The following C19orf44 variants were observed in gnomAD, a reference collection of about 807,000 sequenced individuals.
The protein encoded by C19orf44 is chromosome 19 open reading frame 44, also known as uncharacterized protein C19orf44.
In C19orf44, 43 loss-of-function variants were observed where a neutral mutation model predicts 50.7. That is an observed-to-expected ratio of 0.85 (90% CI 0.66 to 1.09). The LOEUF (loss-of-function observed/expected upper bound fraction) is 1.09, where lower values mean the gene tolerates loss of function less well. Ranked by LOEUF, C19orf44 falls within the 50% of genes least tolerant of loss-of-function variation. The probability of loss-of-function intolerance (pLI) is 0.00; values close to 1 mark genes in which losing one functional copy is unlikely to be tolerated. For missense variants in C19orf44, 722 were observed against 836.2 expected, an observed-to-expected ratio of 0.86 and a Z score of 1.68; for synonymous variants, 298 against 334.7, an observed-to-expected ratio of 0.89 and a Z score of 1.20.
At chr19:16,505,834 A>G (rs1007640367) in intron 3 of C19orf44, among the ~76,000 whole-genome samples, 3 of 151,978 alleles carry the variant, frequency 2.0e-5, no homozygotes, top group Non-Finnish European at 4.4e-5. Flanking sequence ...GGCACGTGCC[A>G]TCACACTTGG....
intron 6 of C19orf44, among the ~76,000 whole-genome samples, chr19:16,513,449 T>C (rs2093463377): frequency 6.6e-6 from 1 of 152,108 alleles, no homozygotes; most frequent in Admixed American, 6.5e-5. Flanking sequence ...AGTGGCGCGA[T>C]CTCCACTCAC....
intron 2 of C19orf44, among the ~76,000 whole-genome samples, 190 bp downstream of exon 2, chr19:16,501,741 A>G (rs2093426179): frequency 6.7e-6 from 1 of 149,538 alleles, no homozygotes. Context: ...ACAGGCATGC[A>G]CCACCACGCC....
At position 16,520,287 on chromosome 19, in the gene C19orf44, G is replaced by T; in HGVS notation, c.*234G>T. ...ACTTCTGCAGGGAAGGGTGCCCAAGGGTCAGCAGCAGCCAGGCGTCGTGGG... is the reference window on the plus strand; with the variant it reads ...ACTTCTGCAGGGAAGGGTGCCCAAGTGTCAGCAGCAGCCAGGCGTCGTGGG... On this transcript the variant is annotated 3_prime_UTR_variant, in exon 9 of 9. Coordinates refer to ENST00000221671, the MANE Select transcript of C19orf44 (RefSeq NM_032207.4). This position sits in a 1 kb window ranked among gnomAD's most constrained non-coding sequence, Gnocchi z 4.0. 1 of 1,613,366 alleles carries T rather than the reference G, an allele frequency of 6.2e-7. No homozygotes were observed. The highest frequency in any genetic ancestry group is 8.5e-7 in the Non-Finnish European group (1 of 1,179,786).
chr19:16,517,178 G>A, intron 7 of C19orf44, 52 bp from the exon 8 acceptor site: 1 of 1,542,442 alleles, frequency 6.5e-7, no homozygotes, highest in African/African-American at 1.4e-5. Context: ...CCCTGTCTCA[G>A]AGTGTACTGA....
At chr19:16,512,412 C>G (rs943448127) in intron 5 of C19orf44, among the ~76,000 whole-genome samples, 1 of 152,092 alleles carries the variant, frequency 6.6e-6, no homozygotes, top group East Asian at 1.9e-4. Context: ...AACAGTGACC[C>G]TTAGAAGAAG....
rs2093450298 is a variant in C19orf44 at position 16,509,559 on chromosome 19, G to A, written c.1210G>A (p.Gly404Arg). The A allele has an allele frequency of 6.2e-7, 1 of 1,608,560 alleles. No individual in the cohort carries two copies. The highest frequency in any genetic ancestry group is 1.1e-5 in the South Asian group (1 of 90,412). The change falls in exon 5 of 9, where the codon GGG becomes AGG. Residue 404 changes from glycine (G) to arginine (R), a missense_variant. Physicochemically the swap from Gly to Arg is moderately radical, Grantham distance 125 (BLOSUM62 -2). Coordinates refer to ENST00000221671, the MANE Select transcript of C19orf44 (RefSeq NM_032207.4). ...GKIFRAEAST[G>R]QDAPRQAQAR... ...AATCTTCAGAGCCGAGGCGTCCACT[G>A]GGCAGGATGCCCCGAGGCAGGCCCA...
At chr19:16,515,366 A>G (rs2093468711) in intron 7 of C19orf44, among the ~76,000 whole-genome samples, 1 of 152,172 alleles carries the variant, frequency 6.6e-6, no homozygotes, top group Admixed American at 6.6e-5. Context: ...TCTCAAAAAA[A>G]CTTTTTAAAA....
intron 5 of C19orf44, chr19:16,510,252 C>T: frequency 2.3e-6 from 1 of 431,262 alleles, no homozygotes; most frequent in South Asian, 2.1e-5. Context: ...ACTAAAAATA[C>T]AAAAATTAGC....
chr19:16,501,559 T>TTC lies in C19orf44; in HGVS notation c.759+9_759+10insCT. Reference sequence around the variant, plus strand: ...GAAAGAAAACTATTTTCGGTGAGATTTTTTTTTTTTGGTAAATTTATTTTA... The same window carrying TTC: ...GAAAGAAAACTATTTTCGGTGAGATTTCTTTTTTTTTTGGTAAATTTATTTTA... On this transcript the variant is annotated intron_variant, in intron 2 of 8. Transcript: ENST00000221671. The TTC allele has an allele frequency of 7.5e-7, 1 of 1,335,710 alleles. No individual in the cohort carries two copies. The highest frequency in any genetic ancestry group is 9.7e-7 in the Non-Finnish European group (1 of 1,026,328). 82.7% of individuals were successfully genotyped at this position (1,335,710 alleles called of 1,614,324 possible).
At chr19:16,517,133 G>A (rs1599741506) in intron 7 of C19orf44, 97 bp from the exon 8 acceptor site, 2 of 1,128,824 alleles carry the variant, frequency 1.8e-6, no homozygotes, top group South Asian at 1.4e-5. Context: ...GGAGCCTGCT[G>A]GGGACAGGTG....
intron 1 of C19orf44, among the ~76,000 whole-genome samples, chr19:16,500,038 C>T (rs963942597): frequency 4.6e-5 from 7 of 151,868 alleles, no homozygotes; most frequent in African/African-American, 1.5e-4. Context: ...CCACCCACCA[C>T]GGCCTACCAA....
chr19:16,519,547 A>C lies in C19orf44; in HGVS notation c.*41-547A>C. ...TCCATCCCCACATGCACTGAGGAAG[A>C]GAAAGCGCTGGTGACTCCCGGGCCC... On this transcript the variant is annotated intron_variant, in intron 8 of 8. Coordinates refer to ENST00000221671, the MANE Select transcript of C19orf44 (RefSeq NM_032207.4). The surrounding 1 kb of genome is among the most constrained non-coding windows in gnomAD (Gnocchi z 6.0). The C allele has an allele frequency of 7.1e-7, 1 of 1,398,616 alleles. No individual in the cohort carries two copies. Among genetic ancestry groups the C allele is most frequent in the Non-Finnish European group, 1.0e-6 (1 of 986,810 alleles). 86.6% of individuals were successfully genotyped at this position (1,398,616 alleles called of 1,614,324 possible).
chr19:16,505,220 CTG>C (rs2093437456), intron 3 of C19orf44, among the ~76,000 whole-genome samples: 1 of 139,828 alleles, frequency 7.2e-6, no homozygotes, highest in Admixed American at 7.3e-5. Flanking sequence ...TGTCTTCTGT[CTG>C]TTTTTTTTTT....
In C19orf44 at chr19:16,519,127, C is replaced by G; in HGVS notation, c.*41-967C>G. 6.3e-7 allele frequency: 1 copy of G among 1,595,554 alleles called. No individual in the cohort carries two copies. Among genetic ancestry groups the G allele is most frequent in the Non-Finnish European group, 8.5e-7 (1 of 1,170,934 alleles). ...CAGGAAGGTCCCACAGCCGGCACCG[C>G]TGGCCACCGGCGCGGCTCCCGGCAT... On this transcript the variant is annotated intron_variant, in intron 8 of 8. Coordinates refer to ENST00000221671, the MANE Select transcript of C19orf44 (RefSeq NM_032207.4). This position sits in a 1 kb window ranked among gnomAD's most constrained non-coding sequence, Gnocchi z 6.0.
Position 16,514,599 on chromosome 19 carries a change from C to T in C19orf44, c.1838C>T (p.Ala613Val). The change falls in exon 7 of 9, where the codon GCC becomes GTC. Residue 613 changes from alanine (A) to valine (V), a missense_variant. Transcript: ENST00000221671. ...QFIQASRHLH[A>V]SLLRSLDADS... Reference sequence around the variant, plus strand: ...ATCCAGGCCAGCCGGCACCTGCACGCCTCCCTCCTGCGCTCCCTGGACGCG... The same window carrying T: ...ATCCAGGCCAGCCGGCACCTGCACGTCTCCCTCCTGCGCTCCCTGGACGCG... The T allele has an allele frequency of 6.2e-7, 1 of 1,605,084 alleles. No individual in the cohort carries two copies. The highest frequency in any genetic ancestry group is 8.5e-7 in the Non-Finnish European group (1 of 1,176,938).
Position 16,520,585 on chromosome 19 carries a change from A to T in C19orf44, c.*532A>T. ...CCCACCCTGGCCCTCAGGTTCCTAGACCACCCCAGATGCAGGGGCTCTGGC... is the reference window on the plus strand; with the variant it reads ...CCCACCCTGGCCCTCAGGTTCCTAGTCCACCCCAGATGCAGGGGCTCTGGC... On this transcript the variant is annotated 3_prime_UTR_variant, in exon 9 of 9. Coordinates refer to ENST00000221671, the MANE Select transcript of C19orf44 (RefSeq NM_032207.4). The surrounding 1 kb of genome is among the most constrained non-coding windows in gnomAD (Gnocchi z 4.0). 6.7e-7 allele frequency: 1 copy of T among 1,502,790 alleles called. No homozygotes were observed. Among genetic ancestry groups the T allele is most frequent in the Non-Finnish European group, 9.1e-7 (1 of 1,104,896 alleles). 93.1% of individuals were successfully genotyped at this position (1,502,790 alleles called of 1,614,324 possible).
At position 16,513,085 on chromosome 19, in the gene C19orf44, G is replaced by C; in HGVS notation, c.1711G>C (p.Val571Leu). ...YVDPTPIANH[V>L]ISADAIEALT... Reference sequence around the variant, plus strand: ...GGACCCGACACCCATCGCCAATCATGTTATCAGTGCAGATGCAATAGAAGG... The same window carrying C: ...GGACCCGACACCCATCGCCAATCATCTTATCAGTGCAGATGCAATAGAAGG... The change falls in exon 6 of 9, where the codon GTT becomes CTT. Residue 571 changes from valine (V) to leucine (L), a missense_variant. By Grantham distance (32) the Val-to-Leu change is conservative. Coordinates refer to ENST00000221671, the MANE Select transcript of C19orf44 (RefSeq NM_032207.4). 1.2e-6 allele frequency: 2 copies of C among 1,614,024 alleles called. No homozygotes were observed. Among genetic ancestry groups the C allele is most frequent in the African/African-American group, 1.3e-5 (1 of 75,054 alleles).
chr19:16,517,341 G>A lies in C19orf44; in HGVS notation c.*40G>A. ...AGCTTGACGTGACGTCTTAACAAAA[G>A]GTATCCCGTCCTGTGTACTCAGTGC... is the stretch of plus-strand genomic sequence containing the variant. On this transcript the variant is annotated splice_region_variant and 3_prime_UTR_variant, in exon 8 of 9. Coordinates refer to ENST00000221671, the MANE Select transcript of C19orf44 (RefSeq NM_032207.4). 1 of 1,583,824 alleles carries A rather than the reference G, an allele frequency of 6.3e-7. No homozygotes were observed. The highest frequency in any genetic ancestry group is 8.7e-7 in the Non-Finnish European group (1 of 1,154,116).
In C19orf44 at chr19:16,501,069, G is replaced by T. The variant is rs867213135; in HGVS notation, c.277G>T (p.Ala93Ser). ...TGCCTCCAGGATCCGAGCCAATGCC[G>T]CACTCATGAAGCTGGCCCAGCTGGA... ...TTASRIRANAALMKLAQLETR... is the reference protein window; with the variant it reads ...TTASRIRANASLMKLAQLETR... The change falls in exon 2 of 9, where the codon GCA becomes TCA. Residue 93 changes from alanine (A) to serine (S), a missense_variant. Transcript: ENST00000221671. 2 of 1,613,942 alleles carry T rather than the reference G, an allele frequency of 1.2e-6. No homozygotes were observed. Among genetic ancestry groups the T allele is most frequent in the African/African-American group, 1.3e-5 (1 of 74,886 alleles).
Sources: gnomAD v4.1 joint callset for allele counts (sites outside exome capture counted in the v4.1 genomes callset) on GRCh38, gnomAD v4.1.1 for gene constraint, Gnocchi (gnomAD v3.1) non-coding constraint, MANE v1.5 for transcripts, NCBI Gene and HGNC (gene_info 2026-07-23, HGNC 2026-07-21) for gene names.